The following PARD3B variants were observed in gnomAD, a reference collection of about 807,000 sequenced individuals.
The protein encoded by PARD3B is par-3 family cell polarity regulator beta.
Under a neutral mutation model 130.2 loss-of-function variants are expected in PARD3B, and 103 were observed. That is an observed-to-expected ratio of 0.79 (90% CI 0.67 to 0.93). PARD3B has a LOEUF of 0.93. Ranked by LOEUF, PARD3B falls within the 40% of genes least tolerant of loss-of-function variation. The pLI, the probability that PARD3B is intolerant of heterozygous loss-of-function variation, is 0.00. For synonymous variants in PARD3B, 583 were observed against 553.2 expected, an observed-to-expected ratio of 1.05 and a Z score of -0.76; for missense variants, 1,609 against 1,499.2, an observed-to-expected ratio of 1.07 and a Z score of -1.21.
intron 1 of PARD3B, among the ~76,000 whole-genome samples, chr2:204,643,845 A>G (rs1341597060): frequency 2.0e-5 from 3 of 152,284 alleles, no homozygotes; most frequent in East Asian, 3.9e-4. Flanking sequence ...GCTTTGCATA[A>G]AATTCAGGCT....
intron 2 of PARD3B, among the ~76,000 whole-genome samples, chr2:204,870,216 A>G (rs1418005683): frequency 6.6e-6 from 1 of 152,162 alleles, no homozygotes; most frequent in Non-Finnish European, 1.5e-5. Context: ...AAGCCAGTAA[A>G]CTTAAGTATG....
At chr2:205,520,337 T>A (rs893066984) in intron 21 of PARD3B, among the ~76,000 whole-genome samples, 31 of 152,088 alleles carry the variant, frequency 2.0e-4, no homozygotes, top group African/African-American at 7.2e-4. Flanking sequence ...TCTCCTTGGG[T>A]CGACTACAGC....
chr2:205,007,308 C>T (rs1244959483), intron 3 of PARD3B, among the ~76,000 whole-genome samples: 1 of 152,102 alleles, frequency 6.6e-6, no homozygotes, highest in Admixed American at 6.5e-5. Flanking sequence ...CAGTCTCAAG[C>T]AGTTCTTTAT....
At chr2:204,786,037 C>G (rs1485489799) in intron 2 of PARD3B, among the ~76,000 whole-genome samples, 1 of 151,478 alleles carries the variant, frequency 6.6e-6, no homozygotes, top group East Asian at 1.9e-4. Flanking sequence ...TCACTTGAAC[C>G]CGGGAGGTGG....
At chr2:205,242,574 G>C (rs1478748052) in intron 15 of PARD3B, among the ~76,000 whole-genome samples, 3 of 152,122 alleles carry the variant, frequency 2.0e-5, no homozygotes, top group African/African-American at 7.2e-5. Flanking sequence ...GTTGTGGAAT[G>C]ATCCATACAA....
chr2:205,040,266 C>A lies in PARD3B; in HGVS notation c.395-7315C>A, dbSNP rs1245217232. ...CATAAGCCACCACGCCCGGCTACTTCAGTACTTTTATTGGCTATCTAAATT... is the reference window on the plus strand; with the variant it reads ...CATAAGCCACCACGCCCGGCTACTTAAGTACTTTTATTGGCTATCTAAATT... On this transcript the variant is annotated intron_variant, in intron 3 of 22. Transcript: ENST00000406610. 2.0e-5 allele frequency among the ~76,000 whole-genome samples: 3 copies of A among 152,256 alleles called. No individual in the cohort carries two copies. In the East Asian group the frequency reaches 5.8e-4, roughly 29 times the overall value.
At chr2:204,888,635 G>T (rs1160302152) in intron 2 of PARD3B, among the ~76,000 whole-genome samples, 1 of 151,602 alleles carries the variant, frequency 6.6e-6, no homozygotes, top group Non-Finnish European at 1.5e-5. Context: ...GGAGGCTCAG[G>T]TGGGAGGATC....
rs1385428141 is a variant in PARD3B at position 205,047,520 on chromosome 2, G to T, written c.395-61G>T. 22 of 1,019,218 alleles carry T rather than the reference G, an allele frequency of 2.2e-5. No homozygotes were observed. In the South Asian group the frequency reaches 2.6e-4, roughly 12 times the overall value. 63.1% of individuals were successfully genotyped at this position (1,019,218 alleles called of 1,614,324 possible). ...AACCTTTTAAATTAAAGTGCATTGT[G>T]TCATGCACTCTCTTCACCCCAGGGT... On this transcript the variant is annotated intron_variant, in intron 3 of 22. Transcript: ENST00000406610.
At chr2:204,682,979 A>AT (rs2125237067) in intron 1 of PARD3B, among the ~76,000 whole-genome samples, 1 of 152,252 alleles carries the variant, frequency 6.6e-6, no homozygotes, top group South Asian at 2.1e-4. Flanking sequence ...ATTTGGAACC[A>AT]TTTTTACATT....
intron 7 of PARD3B, among the ~76,000 whole-genome samples, chr2:205,119,303 G>A (rs1356467964): frequency 3.3e-5 from 5 of 152,042 alleles, no homozygotes; most frequent in African/African-American, 9.7e-5. Flanking sequence ...CTGGGGCGTC[G>A]TTGAACGGGT....
At chr2:205,064,991 C>A (rs1700278563) in intron 4 of PARD3B, among the ~76,000 whole-genome samples, 1 of 152,152 alleles carries the variant, frequency 6.6e-6, no homozygotes, top group African/African-American at 2.4e-5. Context: ...GAATAAAAAT[C>A]TTTGGGAACA....
At chr2:205,098,773 A>G (rs1702560854) in intron 4 of PARD3B, among the ~76,000 whole-genome samples, 1 of 152,104 alleles carries the variant, frequency 6.6e-6, no homozygotes, top group African/African-American at 2.4e-5. Context: ...TGCAGTTGTT[A>G]GCGCTAGTGC....
At chr2:204,832,417 A>G (rs758835670) in intron 2 of PARD3B, among the ~76,000 whole-genome samples, 2 of 152,208 alleles carry the variant, frequency 1.3e-5, no homozygotes, top group Non-Finnish European at 2.9e-5. Context: ...AGAAAAGTGA[A>G]GGAACATTGA....
intron 8 of PARD3B, among the ~76,000 whole-genome samples, chr2:205,123,176 G>A (rs571835343): frequency 1.4e-4 from 22 of 152,256 alleles, no homozygotes; most frequent in Non-Finnish European, 2.9e-4. Flanking sequence ...TCTGTCTAAA[G>A]GTGGAAACAT....
At chr2:204,587,477 C>T (rs2032876653) in intron 1 of PARD3B, among the ~76,000 whole-genome samples, 1 of 152,046 alleles carries the variant, frequency 6.6e-6, no homozygotes, top group Non-Finnish European at 1.5e-5. Flanking sequence ...CTTCTATAAT[C>T]GAAATATGAA....
chr2:204,555,772 C>T (rs1398852648), intron 1 of PARD3B, among the ~76,000 whole-genome samples: 10 of 152,230 alleles, frequency 6.6e-5, no homozygotes, highest in African/African-American at 2.2e-4. Context: ...TACCTAGTGC[C>T]GTTTTCTCTC....
At chr2:205,059,467 A>G (rs777862686) in intron 4 of PARD3B, among the ~76,000 whole-genome samples, 24 of 152,060 alleles carry the variant, frequency 1.6e-4, no homozygotes, top group Non-Finnish European at 2.5e-4. Flanking sequence ...TAATGAATGT[A>G]CAGGTACCCT....
intron 1 of PARD3B, among the ~76,000 whole-genome samples, chr2:204,560,791 C>T (rs183943131): frequency 5.3e-5 from 8 of 152,008 alleles, no homozygotes; most frequent in Non-Finnish European, 7.4e-5. Flanking sequence ...TTATTGATTG[C>T]GCTAGAGAGT....
At chr2:205,163,578 T>C (rs984391090) in intron 11 of PARD3B, among the ~76,000 whole-genome samples, 3 of 152,232 alleles carry the variant, frequency 2.0e-5, no homozygotes, top group East Asian at 1.9e-4. Context: ...GCAATCATGA[T>C]ATTTTTAAAT....
Sources: gnomAD v4.1 joint callset for allele counts (sites outside exome capture counted in the v4.1 genomes callset) on GRCh38, gnomAD v4.1.1 for gene constraint, MANE v1.5 for transcripts, NCBI Gene and HGNC (gene_info 2026-07-23, HGNC 2026-07-21) for gene names.